Variants in PIGB observed in about 807,000 individuals in gnomAD.
PIGB encodes the protein GPI alpha-1,2-mannosyltransferase 3.
In PIGB, 58 loss-of-function variants were observed where a neutral mutation model predicts 68.4. The ratio of observed to expected loss-of-function variants is 0.85; its 90% CI spans 0.69 to 1.06. The LOEUF is 1.06. Among genes scored for constraint, PIGB ranks in the 50% least tolerant of loss-of-function variants. PIGB has a pLI of 0.00. For synonymous variants in PIGB, 219 were observed against 220.5 expected (o/e 0.99, Z 0.06); for missense variants, 634 against 655.8 (o/e 0.97, Z 0.36).
intron 2 of PIGB, among the ~76,000 whole-genome samples, chr15:55,320,674 AAC>A (rs1238201985): frequency 2.0e-5 from 3 of 152,188 alleles, no homozygotes; most frequent in African/African-American, 4.8e-5. Flanking sequence ...TAACAAGTAT[AAC>A]ACAATACTAT....
chr15:55,340,633 T>G lies in PIGB; in HGVS notation c.868T>G (p.Phe290Val). The G allele has an allele frequency of 6.2e-7, 1 of 1,611,524 alleles. No individual in the cohort carries two copies. The highest frequency in any genetic ancestry group is 8.5e-7 in the Non-Finnish European group (1 of 1,178,646). ...FGQWTLVQFN[F>V]LKFNVLQNWG... ...CCAGTGGACTCTGGTTCAATTTAAT[T>G]TTTTGAAATTTAACGTGCTGCAGAA... The change falls in exon 8 of 12, where the codon TTT becomes GTT. Residue 290 changes from phenylalanine (F) to valine (V), a missense_variant. Transcript: ENST00000164305.
At chr15:55,322,512 T>C (rs2055190976) in intron 3 of PIGB, among the ~76,000 whole-genome samples, 2 of 152,124 alleles carry the variant, frequency 1.3e-5, no homozygotes, top group South Asian at 4.1e-4. Context: ...TAAGCTGTCA[T>C]CAGATGAGAC....
chr15:55,350,450 T>G, intron 9 of PIGB: 1 of 477,928 alleles, frequency 2.1e-6, no homozygotes, highest in South Asian at 3.3e-5. Flanking sequence ...GGAATTCAAA[T>G]CTGGACCTGT....
intron 6 of PIGB, among the ~76,000 whole-genome samples, chr15:55,335,130 C>A (rs1225430323): frequency 6.6e-6 from 1 of 152,188 alleles, no homozygotes; most frequent in Non-Finnish European, 1.5e-5. Context: ...GTAGGCTATA[C>A]CATATAGCCT....
At chr15:55,338,383 T>C (rs1373448087) in intron 6 of PIGB, among the ~76,000 whole-genome samples, 1 of 152,230 alleles carries the variant, frequency 6.6e-6, no homozygotes, top group Non-Finnish European at 1.5e-5. Flanking sequence ...CAGTGGCTTA[T>C]ATCTGTAATC....
chr15:55,351,492 GTCT>G (rs1171160727), intron 10 of PIGB: 2 of 152,254 alleles, frequency 1.3e-5, no homozygotes, highest in African/African-American at 2.4e-5. Flanking sequence ...GTATCTGATA[GTCT>G]TCTTAGTAAA....
At chr15:55,341,385 C>G (rs577540517) in intron 8 of PIGB, among the ~76,000 whole-genome samples, 1 of 151,896 alleles carries the variant, frequency 6.6e-6, no homozygotes, top group Admixed American at 6.6e-5. Context: ...TCAATACTAC[C>G]AAAATTTTAA....
chr15:55,324,179 G>A (rs1286364406), intron 3 of PIGB, among the ~76,000 whole-genome samples: 2 of 152,158 alleles, frequency 1.3e-5, no homozygotes, highest in Non-Finnish European at 2.9e-5. Flanking sequence ...CAACAGTAGG[G>A]TCTTTGAATA....
At chr15:55,339,184 C>A (rs924802398) in intron 6 of PIGB, 83 bp from the exon 7 acceptor site, 6 of 885,040 alleles carry the variant, frequency 6.8e-6, no homozygotes, top group Non-Finnish European at 1.1e-5. Context: ...GCTTTTGATG[C>A]AAGGCACGTA....
At chr15:55,336,785 C>T (rs915227365) in intron 6 of PIGB, among the ~76,000 whole-genome samples, 14 of 152,144 alleles carry the variant, frequency 9.2e-5, no homozygotes, top group Admixed American at 2.6e-4. Flanking sequence ...GTCAGGAGTT[C>T]AAGACCAGCC....
At chr15:55,340,918 C>A in intron 8 of PIGB, 95 bp downstream of exon 8, 1 of 796,714 alleles carries the variant, frequency 1.3e-6, no homozygotes, top group Non-Finnish European at 1.9e-6. Flanking sequence ...TTTGGAGGTG[C>A]CATTAACTTT....
Position 55,327,563 on chromosome 15 carries a change from G to C in PIGB, c.450G>C (p.Leu150=). The change falls in exon 4 of 12, where the codon CTG becomes CTC. Residue 150 remains leucine, a synonymous_variant. Transcript: ENST00000164305. ...IWIPRLAQAL[L]SAVADVRLYS... ...TTCCTAGACTTGCCCAAGCACTTCT[G>C]TCTGCTGTAGCAGATGTGAGACTTT... 6.2e-7 allele frequency: 1 copy of C among 1,611,674 alleles called. No homozygotes were observed. The highest frequency in any genetic ancestry group is 8.5e-7 in the Non-Finnish European group (1 of 1,178,890).
At chr15:55,331,890 G>A (rs552686109) in intron 5 of PIGB, among the ~76,000 whole-genome samples, 1 of 152,132 alleles carries the variant, frequency 6.6e-6, no homozygotes, top group East Asian at 1.9e-4. Context: ...ACTTTCTCTT[G>A]AAAAATTGGA....
chr15:55,336,195 A>G (rs945510066), intron 6 of PIGB, among the ~76,000 whole-genome samples: 5 of 152,286 alleles, frequency 3.3e-5, no homozygotes, highest in African/African-American at 1.2e-4. Flanking sequence ...CAACCTGAGC[A>G]ACATAATGAG....
chr15:55,350,838 T>A lies in PIGB; in HGVS notation c.1263T>A (p.Val421=), dbSNP rs920071419. The A allele has an allele frequency of 6.2e-7, 1 of 1,611,494 alleles. No individual in the cohort carries two copies. The change falls in exon 10 of 12, where the codon GTT becomes GTA. Residue 421 remains valine, a synonymous_variant. Transcript: ENST00000164305. ...TLDVMSHIQK[V]CYNNPNKSSA... is the part of the protein sequence containing the mutation. The stretch of plus-strand genomic sequence containing the variant: ...ATGTCATGAGTCATATTCAAAAAGT[T>A]TGTTACAACAATCCCAATAAATCTT...
intron 3 of PIGB, among the ~76,000 whole-genome samples, chr15:55,323,624 A>G (rs2055214583): frequency 1.3e-5 from 2 of 152,244 alleles, no homozygotes; most frequent in African/African-American, 4.8e-5. Flanking sequence ...CAAAAAAAGA[A>G]TAAAAATATT....
chr15:55,331,452 G>A (rs555059511), intron 5 of PIGB, among the ~76,000 whole-genome samples: 8 of 152,066 alleles, frequency 5.3e-5, no homozygotes, highest in South Asian at 2.1e-4. Flanking sequence ...GGTGGTTCAC[G>A]CCTGTAATCT....
intron 10 of PIGB, among the ~76,000 whole-genome samples, chr15:55,352,531 A>G (rs2141222867): frequency 6.6e-6 from 1 of 152,276 alleles, no homozygotes; most frequent in East Asian, 1.9e-4. Context: ...TCACGCCTGT[A>G]ATCCTAGCAC....
chr15:55,326,290 A>G (rs2055284622), intron 3 of PIGB, among the ~76,000 whole-genome samples: 2 of 151,748 alleles, frequency 1.3e-5, no homozygotes, highest in Admixed American at 6.6e-5. Context: ...TTATCTTATT[A>G]TCTATATTGC....
Sources: allele counts gnomAD v4.1 joint callset (sites outside exome capture counted in the v4.1 genomes callset), GRCh38; gene constraint gnomAD v4.1.1; transcripts MANE v1.5; gene names NCBI Gene and HGNC (gene_info 2026-07-23, HGNC 2026-07-21).